The following RTN4RL1 variants were observed in gnomAD, a reference collection of about 807,000 sequenced individuals.
The protein encoded by RTN4RL1 is reticulon-4 receptor-like 1.
A neutral mutation model predicts 25.6 loss-of-function variants in RTN4RL1; 7 were observed. The ratio of observed to expected loss-of-function variants is 0.27; its 90% CI spans 0.16 to 0.51. The LOEUF (loss-of-function observed/expected upper bound fraction) is 0.51, where lower values mean the gene tolerates loss of function less well. Among genes scored for constraint, RTN4RL1 ranks in the 20% least tolerant of loss-of-function variants. RTN4RL1 has a pLI of 0.97. For missense variants in RTN4RL1, 500 were observed against 615.6 expected (o/e 0.81, Z 1.99); for synonymous variants, 297 against 288.2 (o/e 1.03, Z -0.31).
chr17:1,950,374 A>G (rs2151307077), intron 1 of RTN4RL1, among the ~76,000 whole-genome samples: 1 of 152,266 alleles, frequency 6.6e-6, no homozygotes, highest in South Asian at 2.1e-4. Context: ...GGGTATCACT[A>G]TGAGACTGGA....
chr17:1,961,287 A>G (rs1915888791), intron 1 of RTN4RL1, among the ~76,000 whole-genome samples: 1 of 152,216 alleles, frequency 6.6e-6, no homozygotes, highest in Non-Finnish European at 1.5e-5. Context: ...AAGGATGACT[A>G]GAAGCTCAGC....
intron 1 of RTN4RL1, chr17:2,019,982 C>T (rs992770528): frequency 6.6e-6 from 1 of 152,246 alleles, no homozygotes; most frequent in African/African-American, 2.4e-5. Context: ...TACTTAGCAA[C>T]TCGCTCTGCC....
At chr17:1,969,351 C>T (rs1223291959) in intron 1 of RTN4RL1, among the ~76,000 whole-genome samples, 1 of 152,074 alleles carries the variant, frequency 6.6e-6, no homozygotes, top group Admixed American at 6.6e-5. Flanking sequence ...GCCACCATGC[C>T]CGGCCCGGAC....
intron 1 of RTN4RL1, among the ~76,000 whole-genome samples, chr17:1,969,603 T>C (rs1249106016): frequency 2.6e-5 from 4 of 152,122 alleles, no homozygotes; most frequent in Non-Finnish European, 5.9e-5. Flanking sequence ...AGCTTTCCCA[T>C]TTTCCTCTAT....
At chr17:2,008,849 T>A (rs1411271076) in intron 1 of RTN4RL1, among the ~76,000 whole-genome samples, 1 of 152,144 alleles carries the variant, frequency 6.6e-6, no homozygotes, top group East Asian at 1.9e-4. Flanking sequence ...TCCAGCCGCC[T>A]TCCCCCTGGC....
At chr17:1,995,289 G>T (rs1172926051) in intron 1 of RTN4RL1, among the ~76,000 whole-genome samples, 1 of 152,130 alleles carries the variant, frequency 6.6e-6, no homozygotes, top group Non-Finnish European at 1.5e-5. Flanking sequence ...AGCCGGGCAT[G>T]GTGGTAGGTG....
At chr17:1,943,741 C>A (rs1047645905) in intron 1 of RTN4RL1, among the ~76,000 whole-genome samples, 2 of 152,230 alleles carry the variant, frequency 1.3e-5, no homozygotes, top group Non-Finnish European at 2.9e-5. Flanking sequence ...ATCATCCCCT[C>A]TGCAGCCCCG....
chr17:2,003,914 T>C (rs1012836224), intron 1 of RTN4RL1, among the ~76,000 whole-genome samples: 2 of 151,542 alleles, frequency 1.3e-5, no homozygotes, highest in East Asian at 1.9e-4. Flanking sequence ...TTACTAAAAA[T>C]ACAAAACTTA....
chr17:1,958,216 A>G (rs974711922), intron 1 of RTN4RL1, among the ~76,000 whole-genome samples: 1 of 152,052 alleles, frequency 6.6e-6, no homozygotes, highest in Non-Finnish European at 1.5e-5. Flanking sequence ...ATAAAACCAA[A>G]GCGAAGTGAT....
At chr17:1,974,769 C>G (rs1007205530) in intron 1 of RTN4RL1, among the ~76,000 whole-genome samples, 2 of 152,122 alleles carry the variant, frequency 1.3e-5, no homozygotes, top group African/African-American at 4.8e-5. Flanking sequence ...CTCCTCACTC[C>G]CCTCTCTCAC....
At chr17:1,993,080 T>TA (rs1406472069) in intron 1 of RTN4RL1, among the ~76,000 whole-genome samples, 19 of 151,590 alleles carry the variant, frequency 1.3e-4, no homozygotes, top group African/African-American at 4.4e-4. Flanking sequence ...CCATCTCTAC[T>TA]AAAAAAGAAT....
rs1036903898 is a variant in RTN4RL1, at chr17:1,994,712, C to T, written c.13+30141G>A. Among the ~76,000 whole-genome samples, 3 of 152,204 alleles carry T rather than the reference C, an allele frequency of 2.0e-5. No individual in the cohort carries two copies. Among genetic ancestry groups the T allele is most frequent in the African/African-American group, 7.2e-5 (3 of 41,452 alleles). Reference sequence around the variant, plus strand: ...CAACACAAGCAGGCTCTGCTGCCTCCCACCTCCAAGCCTCAGTTTCCTTCT... The same window carrying T: ...CAACACAAGCAGGCTCTGCTGCCTCTCACCTCCAAGCCTCAGTTTCCTTCT... On this transcript the variant is annotated intron_variant, in intron 1 of 1. Coordinates refer to ENST00000331238, the MANE Select transcript of RTN4RL1 (RefSeq NM_178568.4). The surrounding 1 kb of genome is among the most constrained non-coding windows in gnomAD (Gnocchi z 4.3).
At chr17:1,986,638 C>T (rs1234687567) in intron 1 of RTN4RL1, among the ~76,000 whole-genome samples, 2 of 151,932 alleles carry the variant, frequency 1.3e-5, no homozygotes, top group Non-Finnish European at 1.5e-5. Flanking sequence ...GAAGAGCCTT[C>T]GTGGGGTGCA....
In RTN4RL1 at chr17:1,988,860, A is replaced by G. The variant is rs191045533; in HGVS notation, c.13+35993T>C. On this transcript the variant is annotated intron_variant, in intron 1 of 1. Transcript: ENST00000331238. ...CAGCACAGCCCAGGTACATGTGAGGAACAGAAAGAAAATAGTCAGCATGAG... is the reference window on the plus strand; with the variant it reads ...CAGCACAGCCCAGGTACATGTGAGGGACAGAAAGAAAATAGTCAGCATGAG... Among the ~76,000 whole-genome samples the G allele has an allele frequency of 9.4e-3, 1,433 of 152,254 alleles. 30 individuals carry two copies. The highest frequency in any genetic ancestry group is 0.033 in the African/African-American group (1,364 of 41,540).
intron 1 of RTN4RL1, among the ~76,000 whole-genome samples, chr17:1,967,413 T>C (rs1463647303): frequency 1.3e-5 from 2 of 152,088 alleles, no homozygotes; most frequent in African/African-American, 2.4e-5. Flanking sequence ...CCTCGCCGTC[T>C]GTCTGTAGAC....
chr17:2,004,908 G>A (rs1313246812), intron 1 of RTN4RL1, among the ~76,000 whole-genome samples: 1 of 152,248 alleles, frequency 6.6e-6, no homozygotes, highest in Admixed American at 6.5e-5. Flanking sequence ...TGCCTGGAAG[G>A]AAGTTACCAC....
intron 1 of RTN4RL1, among the ~76,000 whole-genome samples, chr17:1,989,897 G>C (rs909634673): frequency 1.3e-5 from 2 of 151,684 alleles, no homozygotes; most frequent in African/African-American, 4.8e-5. Context: ...GAAGGAGAAA[G>C]TATGCTTAAG....
In RTN4RL1 at chr17:1,987,679, C is replaced by T. The variant is rs539419469; in HGVS notation, c.13+37174G>A. ...GATTTCACAGCCAACAAAATCACAG[C>T]ACCTGTTTGCCTGCACTGCAGATGT... On this transcript the variant is annotated intron_variant, in intron 1 of 1. Transcript: ENST00000331238. Among the ~76,000 whole-genome samples, 3 of 149,226 alleles carry T rather than the reference C, an allele frequency of 2.0e-5. No homozygotes were observed. In the South Asian group the frequency reaches 6.4e-4, roughly 32 times the overall value.
intron 1 of RTN4RL1, among the ~76,000 whole-genome samples, chr17:2,016,498 C>T (rs1246972203): frequency 2.6e-5 from 4 of 152,334 alleles, no homozygotes; most frequent in Admixed American, 2.0e-4. Context: ...ACTGAGTCCG[C>T]CCCAGAGCTG....
Sources: gnomAD v4.1 joint callset for allele counts (sites outside exome capture counted in the v4.1 genomes callset) on GRCh38, gnomAD v4.1.1 for gene constraint, Gnocchi (gnomAD v3.1) non-coding constraint, MANE v1.5 for transcripts, NCBI Gene and HGNC (gene_info 2026-07-23, HGNC 2026-07-21) for gene names.